INPP5K: variants seen among roughly 807,000 people sequenced by gnomAD.
INPP5K encodes the protein inositol polyphosphate-5-phosphatase K, also known as inositol polyphosphate 5-phosphatase K.
Under a neutral mutation model 53.5 loss-of-function variants are expected in INPP5K, and 35 were observed. That is an observed-to-expected ratio of 0.65 (90% CI 0.50 to 0.87). The LOEUF (loss-of-function observed/expected upper bound fraction) is 0.87, where lower values mean the gene tolerates loss of function less well. INPP5K is among the 40% of genes least tolerant of loss of function. INPP5K has a pLI of 0.00. For synonymous variants in INPP5K, 253 were observed against 232.8 expected (o/e 1.09, Z -0.79); for missense variants, 550 against 586.2 (o/e 0.94, Z 0.64).
intron 7 of INPP5K, among the ~76,000 whole-genome samples, chr17:1,501,839 A>C (rs2075020386): frequency 6.6e-6 from 1 of 150,578 alleles, no homozygotes; most frequent in African/African-American, 2.5e-5. Flanking sequence ...CAACATGGTG[A>C]AACCCCGTCT....
chr17:1,508,386 T>C, intron 5 of INPP5K, 160 bp from the exon 6 acceptor site: 1 of 636,828 alleles, frequency 1.6e-6, no homozygotes, highest in South Asian at 1.8e-5. Context: ...GGAACTGTTC[T>C]CATGGCTCCT....
intron 3 of INPP5K, 77 bp from the exon 4 acceptor site, chr17:1,509,876 G>T (rs1225434505): frequency 2.4e-6 from 2 of 819,530 alleles, no homozygotes; most frequent in Non-Finnish European, 4.1e-6. Context: ...CCGTGCTAGG[G>T]ACTCTAGAGA....
intron 5 of INPP5K, 25 bp from the exon 6 acceptor site, chr17:1,508,251 TGAG>T (rs1360411223): frequency 6.4e-7 from 1 of 1,554,748 alleles, no homozygotes; most frequent in Admixed American, 1.7e-5. Flanking sequence ...GAGGGCAGCC[TGAG>T]GATTTGTGAT....
chr17:1,499,474 C>G (rs565839591), intron 7 of INPP5K, among the ~76,000 whole-genome samples: 10 of 152,190 alleles, frequency 6.6e-5, no homozygotes, highest in African/African-American at 1.9e-4. Flanking sequence ...GCCTGGGCGA[C>G]AGAGCAAGAC....
rs370888993 is a variant in INPP5K, at chr17:1,507,018, G to A, written c.738C>T (p.Thr246=). 10 of 1,613,880 alleles carry A rather than the reference G, an allele frequency of 6.2e-6. No homozygotes were observed. The highest frequency in any genetic ancestry group is 8.5e-6 in the Non-Finnish European group (10 of 1,179,954). The change falls in exon 7 of 12, where the codon ACC becomes ACT. Residue 246 remains threonine (T), a synonymous_variant. Coordinates refer to ENST00000421807, the MANE Select transcript of INPP5K (RefSeq NM_016532.4). ...CGTTGGAGTTCCTATCAAACTTGTA[G>A]GTGGGCGGGAAGAGTAGGCGGCCCT... ...FQEGRLLFPP[T]YKFDRNSNDY... is the part of the protein sequence containing the mutation.
intron 7 of INPP5K, among the ~76,000 whole-genome samples, chr17:1,502,711 A>C (rs1343884400): frequency 6.6e-6 from 1 of 152,086 alleles, no homozygotes; most frequent in Non-Finnish European, 1.5e-5. Flanking sequence ...GTACAAATTA[A>C]CCAAGTTCTC....
At position 1,495,019 on chromosome 17, in the gene INPP5K, C is replaced by G. The variant is rs1014742235; in HGVS notation, c.*804G>C. 6 of 152,248 alleles carry G rather than the reference C, an allele frequency of 3.9e-5. No homozygotes were observed. The highest frequency in any genetic ancestry group is 1.4e-4 in the African/African-American group (6 of 41,454). The allele number at this position is 152,248 out of a possible 1,614,324, so 9.4% of individuals were successfully genotyped here. On this transcript the variant is annotated 3_prime_UTR_variant, in exon 12 of 12. Coordinates refer to ENST00000421807, the MANE Select transcript of INPP5K (RefSeq NM_016532.4). The stretch of plus-strand genomic sequence containing the variant: ...ACAGACGCACCTCACCTGCCAAGGA[C>G]CACCCTGGAAAAGTCTGTGGCCACA...
chr17:1,513,403 G>T, intron 3 of INPP5K, 50 bp downstream of exon 3: 3 of 1,355,026 alleles, frequency 2.2e-6, no homozygotes, highest in South Asian at 1.2e-5. Context: ...GCAGGGGTCA[G>T]TGGAGATGTG....
chr17:1,495,818 C>G lies in INPP5K; in HGVS notation c.*5G>C, dbSNP rs1038416123. On this transcript the variant is annotated 3_prime_UTR_variant, in exon 12 of 12. Transcript: ENST00000421807. ...CCTCCGCCTGGGATTCACTCCCATC[C>G]TGGCTCAGATCTGTGGCTGTGCTTC... 1 of 1,611,050 alleles carries G rather than the reference C, an allele frequency of 6.2e-7. No homozygotes were observed. The highest frequency in any genetic ancestry group is 1.3e-5 in the African/African-American group (1 of 74,894).
chr17:1,512,535 G>C (rs1317750481), intron 3 of INPP5K, among the ~76,000 whole-genome samples: 1 of 152,182 alleles, frequency 6.6e-6, no homozygotes, highest in Non-Finnish European at 1.5e-5. Flanking sequence ...AAGAACAAGA[G>C]TCATCCAGGA....
intron 3 of INPP5K, 87 bp downstream of exon 3, chr17:1,513,366 G>C (rs186660259): frequency 9.7e-7 from 1 of 1,032,942 alleles, no homozygotes; most frequent in Non-Finnish European, 1.5e-6. Flanking sequence ...CTGAGCAGGA[G>C]TAAGAGGAAC....
In INPP5K at chr17:1,498,178, AAG is replaced by A. The variant is rs1368523131; in HGVS notation, c.777-58_777-57del. 3 of 1,469,576 alleles carry A rather than the reference AAG, an allele frequency of 2.0e-6. No individual in the cohort carries two copies. The African/African-American group carries it at 4.2e-5, about 20-fold the overall frequency. The allele number at this position is 1,469,576 out of a possible 1,614,324, so 91.0% of individuals were successfully genotyped here. ...ATGGGGAAAGAAGAAAGGGTTGGCTAAGAGCAGAAATGAGCCCACATGAGCTT... is the reference window on the plus strand; with the variant it reads ...ATGGGGAAAGAAGAAAGGGTTGGCTAAGCAGAAATGAGCCCACATGAGCTT... On this transcript the variant is annotated intron_variant, in intron 7 of 11. Transcript: ENST00000421807.
Position 1,496,690 on chromosome 17 carries a change from C to T in INPP5K, c.1077G>A (p.Pro359=), listed in dbSNP as rs61735267. ...YSSTSDFPSS[P]WDWIGLYKVG... is the part of the protein sequence containing the mutation. ...CCTTGTACAGTCCAATCCAGTCCCA[C>T]GGGCTGCTGGGGAAGTCCGAGGTTG... is the stretch of plus-strand genomic sequence containing the variant. Residue 359 remains proline, a synonymous_variant, in exon 9 of 12, where the codon CCG becomes CCA. Coordinates refer to ENST00000421807, the MANE Select transcript of INPP5K (RefSeq NM_016532.4). The T allele has an allele frequency of 1.6e-3, 2,598 of 1,614,200 alleles. 6 individuals carry two copies. Among genetic ancestry groups the T allele is most frequent in the Non-Finnish European group, 2.0e-3 (2,402 of 1,180,028 alleles).
rs748413800 is a variant in INPP5K at position 1,509,209 on chromosome 17, C to T, written c.523G>A (p.Gly175Arg). The T allele has an allele frequency of 1.2e-6, 2 of 1,613,678 alleles. No homozygotes were observed. Among genetic ancestry groups the T allele is most frequent in the East Asian group, 4.5e-5 (2 of 44,872 alleles). Residue 175 changes from glycine to arginine, a missense_variant, in exon 5 of 12, where the codon GGG (glycine) becomes AGG (arginine). Gly to Arg is a moderately radical substitution (Grantham distance 125). Transcript: ENST00000421807. ...TCCAGGATGTTTGGGATGTCTCGCC[C>T]CTCACAATTCTGCATCTCCAGGATC... The part of the protein sequence containing the change: ...DRILEMQNCE[G>R]RDIPNILDHD...
chr17:1,511,057 C>T (rs774990211), intron 3 of INPP5K, among the ~76,000 whole-genome samples: 4 of 152,134 alleles, frequency 2.6e-5, no homozygotes, highest in Non-Finnish European at 4.4e-5. Context: ...AAATGCTCCC[C>T]CCAAACCCCA....
At position 1,515,601 on chromosome 17, in the gene INPP5K, G is replaced by A. The variant is rs1295889124; in HGVS notation, c.44+855C>T. The A allele has an allele frequency of 1.1e-5, 11 of 985,412 alleles. No individual in the cohort carries two copies. In the African/African-American group the frequency reaches 1.2e-4, roughly 11 times the overall value. 61.0% of individuals were successfully genotyped at this position (985,412 alleles called of 1,614,324 possible). A position where few individuals can be genotyped will look rare whatever the true frequency, so the allele number is the denominator to read the frequency against. ...AGCTGGAGATCTGGAATGGCAGAGG[G>A]TACAGGGGGATGGGAGAAAAGGGCA... On this transcript the variant is annotated intron_variant, in intron 1 of 11. Transcript: ENST00000421807.
intron 7 of INPP5K, among the ~76,000 whole-genome samples, chr17:1,503,936 C>T (rs112184059): frequency 1.3e-5 from 2 of 152,190 alleles, no homozygotes; most frequent in African/African-American, 2.4e-5. Context: ...CCGGCCCCCT[C>T]CAGGTTCCTC....
intron 7 of INPP5K, among the ~76,000 whole-genome samples, chr17:1,501,770 G>A (rs757439830): frequency 2.0e-4 from 31 of 152,092 alleles, no homozygotes; most frequent in Non-Finnish European, 3.7e-4. Context: ...TGTAATCCCA[G>A]CACTGTGGGA....
intron 7 of INPP5K, among the ~76,000 whole-genome samples, chr17:1,506,048 G>C (rs2075147098): frequency 6.6e-6 from 1 of 152,114 alleles, no homozygotes; most frequent in African/African-American, 2.4e-5. Flanking sequence ...TTTTGAGACG[G>C]AGTCTCGCTC....
Sources: allele counts gnomAD v4.1 joint callset (sites outside exome capture counted in the v4.1 genomes callset), GRCh38; gene constraint gnomAD v4.1.1; transcripts MANE v1.5; gene names NCBI Gene and HGNC (gene_info 2026-07-23, HGNC 2026-07-21).